CEP89: variants seen among roughly 807,000 people sequenced by gnomAD.
CEP89 encodes centrosomal protein of 89 kDa.
Under a neutral mutation model 97.6 loss-of-function variants are expected in CEP89, and 95 were observed. The ratio of observed to expected loss-of-function variants is 0.97; its 90% confidence interval spans 0.82 to 1.15. The LOEUF is 1.15. Among genes scored for constraint, CEP89 ranks in the 50% most tolerant of loss-of-function variants. The pLI, the probability that CEP89 is intolerant of heterozygous loss-of-function variation, is 0.00. For synonymous variants in CEP89, 354 were observed against 349.1 expected, an observed-to-expected ratio of 1.01 and a Z score of -0.16; for missense variants, 869 against 947.7, an observed-to-expected ratio of 0.92 and a Z score of 1.09.
intron 12 of CEP89, among the ~76,000 whole-genome samples, chr19:32,921,769 C>A (rs566076142): frequency 1.3e-5 from 2 of 152,182 alleles, no homozygotes; most frequent in East Asian, 3.9e-4. Context: ...GAAGAAAATC[C>A]AAGCTCAGCC....
intron 3 of CEP89, among the ~76,000 whole-genome samples, chr19:32,957,313 G>C (rs1971069238): frequency 6.6e-6 from 1 of 152,182 alleles, no homozygotes; most frequent in South Asian, 2.1e-4. Context: ...GGTTTACCTA[G>C]GTTGATGGAA....
chr19:32,921,384 G>A (rs989939633), intron 12 of CEP89, among the ~76,000 whole-genome samples: 42 of 152,156 alleles, frequency 2.8e-4, no homozygotes, highest in African/African-American at 8.2e-4. Flanking sequence ...AGACCCTCCT[G>A]CAGCTGGAGG....
At chr19:32,937,733 C>T (rs1393186584) in intron 6 of CEP89, 60 bp from the exon 7 acceptor site, 2 of 1,201,370 alleles carry the variant, frequency 1.7e-6, no homozygotes, top group Non-Finnish European at 2.5e-6. Context: ...ATAAAGTGGA[C>T]ACACGCAGCT....
intron 3 of CEP89, among the ~76,000 whole-genome samples, chr19:32,955,237 A>G (rs1395044003): frequency 6.6e-6 from 1 of 152,062 alleles, no homozygotes; most frequent in Non-Finnish European, 1.5e-5. Flanking sequence ...CCAGAGCTGA[A>G]GAGATCCACC....
At chr19:32,881,300 A>C (rs373318754) in intron 18 of CEP89, among the ~76,000 whole-genome samples, 22,674 of 144,650 alleles carry the variant, frequency 0.16, 2,020 homozygotes, top group Non-Finnish European at 0.22. Context: ...GACCCTGTCT[A>C]TAAGTAGTAA....
intron 18 of CEP89, among the ~76,000 whole-genome samples, chr19:32,880,560 G>C (rs981552942): frequency 4.0e-5 from 6 of 150,654 alleles, no homozygotes; most frequent in African/African-American, 1.2e-4. Context: ...GATGACTTGA[G>C]CCCAGAAATT....
intron 1 of CEP89, among the ~76,000 whole-genome samples, chr19:32,968,212 C>A (rs543699776): frequency 6.6e-6 from 1 of 152,190 alleles, no homozygotes; most frequent in East Asian, 1.9e-4. Context: ...TTCCACCCTG[C>A]CCCCCTCCAC....
chr19:32,932,130 G>A lies in CEP89; in HGVS notation c.887-559C>T, dbSNP rs1231763416. On this transcript the variant is annotated intron_variant, in intron 8 of 18. Coordinates refer to ENST00000305768, the MANE Select transcript of CEP89 (RefSeq NM_032816.5). ...CAGGGGGTGGAGCTCGCAGTGAGCC[G>A]AAATCACGCCACTGCACTCCAGCCT... Among the ~76,000 whole-genome samples, 6 of 148,954 alleles carry A rather than the reference G, an allele frequency of 4.0e-5. No homozygotes were observed. In the South Asian group the frequency reaches 6.3e-4, roughly 16 times the overall value.
chr19:32,968,412 C>A lies in CEP89; in HGVS notation c.40-1946G>T, dbSNP rs367576548. ...CACAGTCATGTGCCAACATGCCTAG[C>A]TAATTTTTGTATTTTGGTAGAGATG... On this transcript the variant is annotated intron_variant, in intron 1 of 18. Transcript: ENST00000305768. 3.2e-4 allele frequency among the ~76,000 whole-genome samples: 48 copies of A among 152,298 alleles called. No homozygotes were observed. In the South Asian group the frequency reaches 7.3e-3, roughly 23 times the overall value.
rs765110361 is a variant in CEP89, at chr19:32,901,264, G to T, written c.1714C>A (p.Arg572=). 1 of 1,611,100 alleles carries T rather than the reference G, an allele frequency of 6.2e-7. No homozygotes were observed. The highest frequency in any genetic ancestry group is 8.5e-7 in the Non-Finnish European group (1 of 1,179,358). The change falls in exon 15 of 19, where the codon CGA becomes AGA. Residue 572 remains arginine (R), a synonymous_variant. Transcript: ENST00000305768. ...QNKALEAELE[R]AQKINRKSQK... ...ACAAACCTATTGATTTTCTGTGCTCGTTCAAGTTCGGCTTCCAGTGCTTTG... is the reference window on the plus strand; with the variant it reads ...ACAAACCTATTGATTTTCTGTGCTCTTTCAAGTTCGGCTTCCAGTGCTTTG...
chr19:32,931,101 G>A, intron 9 of CEP89: 1 of 366,328 alleles, frequency 2.7e-6, no homozygotes, highest in Non-Finnish European at 4.8e-6. Context: ...TGTCCCCCAG[G>A]ATGGTCTCAA....
At chr19:32,916,097 T>C (rs1255244838) in intron 13 of CEP89, among the ~76,000 whole-genome samples, 1 of 151,830 alleles carries the variant, frequency 6.6e-6, no homozygotes, top group Non-Finnish European at 1.5e-5. Flanking sequence ...GGTAACATAG[T>C]GAGACCCCAT....
chr19:32,962,132 T>C (rs1286384887), intron 2 of CEP89, among the ~76,000 whole-genome samples: 2 of 152,070 alleles, frequency 1.3e-5, no homozygotes, highest in Non-Finnish European at 2.9e-5. Flanking sequence ...TCCTCTCAAA[T>C]TGTAATCCCC....
At chr19:32,950,613 G>A (rs1257626221) in intron 4 of CEP89, among the ~76,000 whole-genome samples, 6 of 152,262 alleles carry the variant, frequency 3.9e-5, no homozygotes, top group Non-Finnish European at 8.8e-5. Context: ...CAATCGTTTG[G>A]CAGTATCTAC....
chr19:32,965,828 G>A (rs926756040), intron 2 of CEP89, among the ~76,000 whole-genome samples: 4 of 152,084 alleles, frequency 2.6e-5, no homozygotes, highest in East Asian at 3.9e-4. Flanking sequence ...GACCAGTCTG[G>A]CCAACATGGT....
chr19:32,935,518 G>T (rs1345299239), intron 7 of CEP89, among the ~76,000 whole-genome samples: 2 of 152,186 alleles, frequency 1.3e-5, no homozygotes, highest in Non-Finnish European at 2.9e-5. Flanking sequence ...TGAGCCGCAG[G>T]ATACACATCA....
intron 16 of CEP89, among the ~76,000 whole-genome samples, chr19:32,898,710 T>C (rs1043652835): frequency 6.6e-6 from 1 of 151,816 alleles, no homozygotes; most frequent in Non-Finnish European, 1.5e-5. Flanking sequence ...GGCAAAACCT[T>C]GTCTCTAGTA....
intron 17 of CEP89, among the ~76,000 whole-genome samples, chr19:32,884,549 T>C (rs1349767306): frequency 6.6e-6 from 1 of 152,204 alleles, no homozygotes; most frequent in Non-Finnish European, 1.5e-5. Context: ...TTTTTTGCTG[T>C]TATAATTCTA....
At chr19:32,890,844 T>C (rs8109831) in intron 16 of CEP89, among the ~76,000 whole-genome samples, 110,443 of 152,032 alleles carry the variant, frequency 0.73, 40,776 homozygotes, top group Non-Finnish European at 0.8. Context: ...AGGTTCCAGG[T>C]AGCTGCAGCA....
Sources: allele counts gnomAD v4.1 joint callset (sites outside exome capture counted in the v4.1 genomes callset), GRCh38; gene constraint gnomAD v4.1.1; transcripts MANE v1.5; gene names NCBI Gene and HGNC (gene_info 2026-07-23, HGNC 2026-07-21).